Variants in SLC12A8 observed in about 807,000 individuals in gnomAD.
SLC12A8 encodes the protein cation-chloride cotransporter 9.
In SLC12A8, 69 loss-of-function variants were observed where a neutral mutation model predicts 75.6. The observed-to-expected ratio is 0.91, with a 90% CI of 0.75 to 1.11. The LOEUF is 1.11. SLC12A8 is among the 50% of genes most tolerant of loss of function. The probability of loss-of-function intolerance (pLI) is 0.00; values close to 1 mark genes in which losing one functional copy is unlikely to be tolerated. For missense variants in SLC12A8, 877 were observed against 896.7 expected, an observed-to-expected ratio of 0.98 and a Z score of 0.28; for synonymous variants, 365 against 372.8, an observed-to-expected ratio of 0.98 and a Z score of 0.24.
At chr3:125,087,350 C>T (rs917135068) in intron 13 of SLC12A8, among the ~76,000 whole-genome samples, 7 of 152,126 alleles carry the variant, frequency 4.6e-5, no homozygotes, top group South Asian at 2.1e-4. Context: ...ACCTTGGCCT[C>T]CCAAAGTGCT....
intron 5 of SLC12A8, among the ~76,000 whole-genome samples, chr3:125,166,098 G>A (rs911000447): frequency 2.0e-5 from 3 of 151,964 alleles, no homozygotes; most frequent in Non-Finnish European, 2.9e-5. Flanking sequence ...CCAGCCCACC[G>A]CTTCTCCTGC....
intron 8 of SLC12A8, among the ~76,000 whole-genome samples, chr3:125,112,189 G>A (rs374088950): frequency 6.6e-6 from 1 of 152,180 alleles, no homozygotes; most frequent in Non-Finnish European, 1.5e-5. Flanking sequence ...TGATGAACAA[G>A]ACTAAGGTCC....
At chr3:125,146,233 C>G (rs1933771067) in intron 5 of SLC12A8, among the ~76,000 whole-genome samples, 1 of 152,214 alleles carries the variant, frequency 6.6e-6, no homozygotes, top group South Asian at 2.1e-4. Context: ...AGGGGAACTA[C>G]TGCCTATGAA....
chr3:125,095,511 C>A (rs1938692181), intron 10 of SLC12A8, among the ~76,000 whole-genome samples: 1 of 152,220 alleles, frequency 6.6e-6, no homozygotes. Context: ...GTGGTACAGA[C>A]CCCAGCTAGA....
At chr3:125,165,997 A>G (rs964577602) in intron 5 of SLC12A8, among the ~76,000 whole-genome samples, 34 of 152,346 alleles carry the variant, frequency 2.2e-4, no homozygotes, top group East Asian at 3.9e-4. Flanking sequence ...TATATAGAAC[A>G]GTGAAAATGC....
chr3:125,168,370 G>A (rs369434557), intron 5 of SLC12A8, among the ~76,000 whole-genome samples: 1 of 152,140 alleles, frequency 6.6e-6, no homozygotes, highest in Non-Finnish European at 1.5e-5. Context: ...GAGGGCTTTC[G>A]CTTTGTCTGC....
At chr3:125,188,502 G>A (rs758128616) in intron 3 of SLC12A8, among the ~76,000 whole-genome samples, 57 of 152,178 alleles carry the variant, frequency 3.7e-4, no homozygotes, top group Admixed American at 9.8e-4. Context: ...CTTGTTGAGC[G>A]AATAAACAAA....
At chr3:125,108,392 C>T (rs1343586513) in intron 9 of SLC12A8, among the ~76,000 whole-genome samples, 7 of 151,038 alleles carry the variant, frequency 4.6e-5, no homozygotes, top group Admixed American at 4.0e-4. Context: ...TTTTTGAGAC[C>T]GGGTCTGGCT....
intron 6 of SLC12A8, among the ~76,000 whole-genome samples, chr3:125,134,657 G>A (rs1236700128): frequency 1.3e-5 from 2 of 152,150 alleles, no homozygotes; most frequent in East Asian, 1.9e-4. Flanking sequence ...CAAAGTCACC[G>A]CACCATTTTA....
chr3:125,107,270 T>C (rs1209876048), intron 10 of SLC12A8, among the ~76,000 whole-genome samples: 3 of 152,250 alleles, frequency 2.0e-5, no homozygotes, highest in Non-Finnish European at 4.4e-5. Flanking sequence ...CAGGAGTAGA[T>C]AGAAATTTCT....
At chr3:125,173,771 A>G (rs970475633) in intron 5 of SLC12A8, among the ~76,000 whole-genome samples, 3 of 152,216 alleles carry the variant, frequency 2.0e-5, no homozygotes, top group African/African-American at 7.2e-5. Context: ...AAAGGGTTTG[A>G]ATCCAAAATA....
Position 125,187,237 on chromosome 3 carries a change from C to T in SLC12A8, c.390G>A (p.Gln130=), listed in dbSNP as rs751312322. Residue 130 remains glutamine, a splice_region_variant and synonymous_variant, in exon 4 of 14, where the codon CAG becomes CAA. Coordinates refer to ENST00000469902, the MANE Select transcript of SLC12A8 (RefSeq NM_024628.6). Reference sequence around the variant, plus strand: ...GAAGCATCCCGGGCGCAGGCCTCACCTGTCCAAACACATAGAGCAGCCCGA... The same window carrying T: ...GAAGCATCCCGGGCGCAGGCCTCACTTGTCCAAACACATAGAGCAGCCCGA... ...GTIGLLYVFG[Q]CVAGAMYITG... The T allele has an allele frequency of 6.2e-7, 1 of 1,613,730 alleles. No homozygotes were observed. The highest frequency in any genetic ancestry group is 2.2e-5 in the East Asian group (1 of 44,862).
chr3:125,104,440 T>A (rs1308830197), intron 10 of SLC12A8, among the ~76,000 whole-genome samples: 1 of 138,152 alleles, frequency 7.2e-6, no homozygotes, highest in Non-Finnish European at 1.5e-5. Flanking sequence ...GGAAGATCAA[T>A]AATAGTATCA....
chr3:125,190,036 C>T (rs544234036), intron 3 of SLC12A8, among the ~76,000 whole-genome samples: 66 of 152,016 alleles, frequency 4.3e-4, no homozygotes, highest in Admixed American at 2.4e-3. Context: ...TGAAGAATAC[C>T]GGGAAAACTA....
intron 7 of SLC12A8, 105 bp downstream of exon 7, chr3:125,120,494 G>T: frequency 1.3e-6 from 1 of 797,196 alleles, no homozygotes; most frequent in Non-Finnish European, 2.2e-6. Flanking sequence ...GAAATAGATT[G>T]GTCACAGTCG....
At chr3:125,120,978 G>A (rs1464752526) in intron 6 of SLC12A8, 2 of 666,684 alleles carry the variant, frequency 3.0e-6, no homozygotes, top group African/African-American at 3.7e-5. Flanking sequence ...GAGGAAAGCG[G>A]CTTGCAAGGC....
chr3:125,141,457 C>A (rs1175716908), intron 5 of SLC12A8, among the ~76,000 whole-genome samples: 2 of 152,194 alleles, frequency 1.3e-5, no homozygotes, highest in Admixed American at 1.3e-4. Context: ...GCTTGGGGTG[C>A]CCAGCAGCCG....
At chr3:125,085,911 C>CT (rs56062741) in intron 13 of SLC12A8, among the ~76,000 whole-genome samples, 12,018 of 146,042 alleles carry the variant, frequency 0.082, 592 homozygotes, top group African/African-American at 0.13. Flanking sequence ...ATTTTTTTTT[C>CT]TTTTTTTTTT....
chr3:125,211,000 A>T (rs1712469), intron 2 of SLC12A8, among the ~76,000 whole-genome samples: 24,399 of 133,476 alleles, frequency 0.18, 2,470 homozygotes, highest in African/African-American at 0.35. Flanking sequence ...AGTTCATATT[A>T]TCTGAGTCCT....
Sources: allele counts gnomAD v4.1 joint callset (sites outside exome capture counted in the v4.1 genomes callset), GRCh38; gene constraint gnomAD v4.1.1; transcripts MANE v1.5; gene names NCBI Gene and HGNC (gene_info 2026-07-23, HGNC 2026-07-21).